TTC39B: variants seen among roughly 807,000 people sequenced by gnomAD.
TTC39B encodes the protein tetratricopeptide repeat domain 39B.
A neutral mutation model predicts 96.6 loss-of-function variants in TTC39B; 92 were observed. The observed-to-expected ratio is 0.95, with a 90% confidence interval of 0.80 to 1.13. The LOEUF (loss-of-function observed/expected upper bound fraction) is 1.13, where lower values mean the gene tolerates loss of function less well. TTC39B is among the 50% of genes most tolerant of loss of function. The pLI, the probability that TTC39B is intolerant of heterozygous loss-of-function variation, is 0.00. For missense variants in TTC39B, 955 were observed against 809.3 expected, an observed-to-expected ratio of 1.18 and a Z score of -2.18; for synonymous variants, 367 against 299.4, an observed-to-expected ratio of 1.23 and a Z score of -2.33.
At chr9:15,252,511 G>A (rs1184330102) in intron 2 of TTC39B, among the ~76,000 whole-genome samples, 1 of 152,102 alleles carries the variant, frequency 6.6e-6, no homozygotes, top group Admixed American at 6.5e-5. Context: ...AGCCGGCCGT[G>A]GTGGCTTATG....
chr9:15,250,540 T>C (rs73646020), intron 2 of TTC39B, among the ~76,000 whole-genome samples: 1 of 152,164 alleles, frequency 6.6e-6, no homozygotes, highest in Non-Finnish European at 1.5e-5. Flanking sequence ...ACTTTTCCCC[T>C]AAGTTTTTAG....
exon 13 of TTC39B, chr9:15,189,625 G>A (rs570811634): frequency 1.2e-4 from 186 of 1,614,046 alleles, no homozygotes; most frequent in Non-Finnish European, 1.5e-4. Context: ...AAAACAACAC[G>A]AGTGAGCCCT....
chr9:15,284,854 A>G (rs1823898676), intron 1 of TTC39B, among the ~76,000 whole-genome samples: 2 of 152,204 alleles, frequency 1.3e-5, no homozygotes, highest in Admixed American at 6.5e-5. Flanking sequence ...GAACAATTTA[A>G]ATAATATTAA....
chr9:15,302,060 C>G (rs528293642), intron 1 of TTC39B, among the ~76,000 whole-genome samples: 1 of 152,182 alleles, frequency 6.6e-6, no homozygotes, highest in Non-Finnish European at 1.5e-5. Flanking sequence ...CGGTGGCTCA[C>G]GCCTGTAATC....
intron 2 of TTC39B, among the ~76,000 whole-genome samples, chr9:15,235,131 T>C (rs1370742674): frequency 1.3e-5 from 2 of 152,074 alleles, no homozygotes; most frequent in African/African-American, 4.8e-5. Context: ...AGTTGAAAGT[T>C]TTAACAATAG....
chr9:15,257,158 TA>T (rs1822780898), intron 2 of TTC39B, among the ~76,000 whole-genome samples: 1 of 152,246 alleles, frequency 6.6e-6, no homozygotes, highest in Admixed American at 6.5e-5. Flanking sequence ...AATGATGTCA[TA>T]TAAAGCATAC....
rs1225002800 is a variant in TTC39B at position 15,211,199 on chromosome 9, C to T, written c.614+67G>A. The T allele has an allele frequency of 8.6e-6, 12 of 1,394,752 alleles. No individual in the cohort carries two copies. In the East Asian group the frequency reaches 2.7e-4, roughly 32 times the overall value. The allele number at this position is 1,394,752 out of a possible 1,614,324, so 86.4% of individuals were successfully genotyped here. ...ACAGAGCTTTTGGTCAGGCAAATGA[C>T]ATTATTTTTGTCACACAGGCATAAA... is the stretch of plus-strand genomic sequence containing the variant. On this transcript the variant is annotated intron_variant, in intron 5 of 19. Transcript: ENST00000512701.
In TTC39B at chr9:15,269,646, G is replaced by A. The variant is rs551228067; in HGVS notation, c.241-1698C>T. Among the ~76,000 whole-genome samples the A allele has an allele frequency of 8.5e-5, 13 of 152,278 alleles. No individual in the cohort carries two copies. The East Asian group carries it at 2.5e-3, about 29-fold the overall frequency. On this transcript the variant is annotated intron_variant, in intron 1 of 19. Coordinates refer to ENST00000512701, the Ensembl canonical transcript of TTC39B. The stretch of plus-strand genomic sequence containing the variant: ...AGGCGGGTGGATCACAAGGTCAGGA[G>A]TTGGAGACCAGCCTGGCCCACATGG...
chr9:15,205,957 T>C (rs980297986), intron 6 of TTC39B, among the ~76,000 whole-genome samples: 17 of 152,106 alleles, frequency 1.1e-4, no homozygotes, highest in Middle Eastern at 3.2e-3. Context: ...CAATTATAAG[T>C]GGCCTTGAAT....
intron 2 of TTC39B, among the ~76,000 whole-genome samples, chr9:15,234,504 T>A (rs187503195): frequency 7.8e-6 from 1 of 128,646 alleles, no homozygotes; most frequent in African/African-American, 3.0e-5. Flanking sequence ...CCCCTCTGCC[T>A]GGCCACCACC....
At chr9:15,287,839 G>A (rs910502228) in intron 1 of TTC39B, among the ~76,000 whole-genome samples, 4 of 151,282 alleles carry the variant, frequency 2.6e-5, no homozygotes, top group Admixed American at 6.6e-5. Flanking sequence ...CCAGCTACTC[G>A]GGAAGCTGAG....
Position 15,266,627 on chromosome 9 carries a change from T to C in TTC39B, c.275+1287A>G, listed in dbSNP as rs115562903. Among the ~76,000 whole-genome samples the C allele has an allele frequency of 3.1e-3, 468 of 152,246 alleles. 2 individuals are homozygous for C. Among genetic ancestry groups the C allele is most frequent in the African/African-American group, 0.011 (439 of 41,540 alleles). On this transcript the variant is annotated intron_variant, in intron 2 of 19. Coordinates refer to ENST00000512701, the Ensembl canonical transcript of TTC39B. Reference sequence around the variant, plus strand: ...TGATAATACTCCTGTGGAAGTACTGTAAAACAAACGGTGCCCCTCTACCCC... The same window carrying C: ...TGATAATACTCCTGTGGAAGTACTGCAAAACAAACGGTGCCCCTCTACCCC...
At chr9:15,262,110 A>T (rs1005851744) in intron 2 of TTC39B, among the ~76,000 whole-genome samples, 11 of 151,930 alleles carry the variant, frequency 7.2e-5, no homozygotes, top group African/African-American at 1.2e-4. Context: ...TATTATTATT[A>T]TTTTTTGAGA....
At chr9:15,290,884 C>T (rs939603639) in intron 1 of TTC39B, among the ~76,000 whole-genome samples, 5 of 152,178 alleles carry the variant, frequency 3.3e-5, no homozygotes, top group South Asian at 2.1e-4. Flanking sequence ...CCTTCCCAGG[C>T]GTATCCTCTA....
chr9:15,199,399 A>T (rs1819377288), intron 8 of TTC39B, among the ~76,000 whole-genome samples: 1 of 152,116 alleles, frequency 6.6e-6, no homozygotes, highest in Non-Finnish European at 1.5e-5. Flanking sequence ...CTGAATACAC[A>T]CTCAACAAAA....
intron 2 of TTC39B, among the ~76,000 whole-genome samples, chr9:15,226,969 G>A (rs181704712): frequency 2.0e-5 from 3 of 151,006 alleles, no homozygotes; most frequent in African/African-American, 7.3e-5. Flanking sequence ...GAAGTTTTGC[G>A]TGTTTTTTTG....
At chr9:15,282,762 G>A (rs1823814596) in intron 1 of TTC39B, among the ~76,000 whole-genome samples, 1 of 152,076 alleles carries the variant, frequency 6.6e-6, no homozygotes, top group Non-Finnish European at 1.5e-5. Flanking sequence ...AGCACAGAGA[G>A]GTTAAGTAAC....
At chr9:15,300,839 C>T (rs1205077294) in intron 1 of TTC39B, among the ~76,000 whole-genome samples, 2 of 139,684 alleles carry the variant, frequency 1.4e-5, no homozygotes, top group African/African-American at 5.3e-5. Flanking sequence ...TTGCAGTGAG[C>T]CGAGATCCCA....
At chr9:15,193,830 T>C (rs1272746952) in intron 8 of TTC39B, among the ~76,000 whole-genome samples, 1 of 152,228 alleles carries the variant, frequency 6.6e-6, no homozygotes, top group Non-Finnish European at 1.5e-5. Flanking sequence ...AAAGTCCATA[T>C]TGAAAGATGT....
Sources: allele counts gnomAD v4.1 joint callset (sites outside exome capture counted in the v4.1 genomes callset), GRCh38; gene constraint gnomAD v4.1.1; transcripts MANE v1.5; gene names NCBI Gene and HGNC (gene_info 2026-07-23, HGNC 2026-07-21).